CDH23: variants seen among roughly 807,000 people sequenced by gnomAD.
The protein encoded by CDH23 is cadherin related 23.
Under a neutral mutation model 317.1 loss-of-function variants are expected in CDH23, and 189 were observed. The observed-to-expected ratio is 0.60, with a 90% CI of 0.53 to 0.67. The LOEUF is 0.67. CDH23 is among the 30% of genes least tolerant of loss of function. The pLI, the probability that CDH23 is intolerant of heterozygous loss-of-function variation, is 0.00. For synonymous variants in CDH23, 1,839 were observed against 1,876.8 expected (o/e 0.98, Z 0.52); for missense variants, 4,401 against 4,592.4 (o/e 0.96, Z 1.20).
At chr10:71,453,634 C>T (rs1447513767) in intron 3 of CDH23, among the ~76,000 whole-genome samples, 1 of 152,228 alleles carries the variant, frequency 6.6e-6, no homozygotes, top group Non-Finnish European at 1.5e-5. Context: ...TCCCAATGTC[C>T]CTTTAAAGAG....
At chr10:71,498,859 G>T (rs1414786576) in intron 3 of CDH23, among the ~76,000 whole-genome samples, 3 of 152,140 alleles carry the variant, frequency 2.0e-5, no homozygotes, top group Non-Finnish European at 4.4e-5. Flanking sequence ...TGAAGTATTG[G>T]TATTCAATGT....
At chr10:71,612,334 G>A (rs1860953376) in intron 9 of CDH23, among the ~76,000 whole-genome samples, 1 of 151,974 alleles carries the variant, frequency 6.6e-6, no homozygotes, top group Non-Finnish European at 1.5e-5. Flanking sequence ...GGTTGCCTAG[G>A]TCGGGGCATG....
At chr10:71,559,396 A>G (rs1006331577) in intron 6 of CDH23, among the ~76,000 whole-genome samples, 1 of 152,232 alleles carries the variant, frequency 6.6e-6, no homozygotes, top group African/African-American at 2.4e-5. Context: ...AATGCCTTCT[A>G]TGCACAAGTG....
chr10:71,419,091 A>C (rs1392194481), intron 1 of CDH23, among the ~76,000 whole-genome samples: 3 of 152,298 alleles, frequency 2.0e-5, no homozygotes, highest in Non-Finnish European at 1.5e-5. Context: ...CTTTGAGGGG[A>C]CTGAGGGTTA....
At chr10:71,665,170 G>A (rs931318839) in intron 14 of CDH23, among the ~76,000 whole-genome samples, 1 of 152,174 alleles carries the variant, frequency 6.6e-6, no homozygotes, top group African/African-American at 2.4e-5. Flanking sequence ...GTGGTGGGGG[G>A]AAGCCCAGTC....
intron 6 of CDH23, among the ~76,000 whole-genome samples, chr10:71,530,015 GCACACATA>G (rs1206545989): frequency 1.1e-3 from 136 of 121,756 alleles, no homozygotes; most frequent in South Asian, 4.6e-3. Context: ...TCAGGCATTT[GCACACATA>G]CACACATACA....
rs567639230 is a variant in CDH23 at position 71,529,777 on chromosome 10, A to G, written c.429+18565A>G. Among the ~76,000 whole-genome samples the G allele has an allele frequency of 4.6e-5, 7 of 151,986 alleles. No homozygotes were observed. The South Asian group carries it at 6.2e-4, about 14-fold the overall frequency. On this transcript the variant is annotated intron_variant, in intron 6 of 69. Coordinates refer to ENST00000224721, the MANE Select transcript of CDH23 (RefSeq NM_022124.6). Reference sequence around the variant, plus strand: ...GGTGGCTCCCGGCCACCTGAGCCCTACAAGCCCAAGAAACAGGCCCTTTCC... The same window carrying G: ...GGTGGCTCCCGGCCACCTGAGCCCTGCAAGCCCAAGAAACAGGCCCTTTCC...
chr10:71,405,629 G>A (rs1848062728), intron 1 of CDH23, among the ~76,000 whole-genome samples: 1 of 152,044 alleles, frequency 6.6e-6, no homozygotes, highest in Non-Finnish European at 1.5e-5. Flanking sequence ...GTAGAGATGG[G>A]ATTTCACCAT....
At chr10:71,602,488 A>G (rs1860286997) in intron 9 of CDH23, among the ~76,000 whole-genome samples, 1 of 152,170 alleles carries the variant, frequency 6.6e-6, no homozygotes, top group South Asian at 2.1e-4. Flanking sequence ...TGAGGCCCAC[A>G]CTGCTTCCAC....
chr10:71,407,895 G>GA (rs1034099486), intron 1 of CDH23, among the ~76,000 whole-genome samples: 28 of 152,258 alleles, frequency 1.8e-4, no homozygotes, highest in Admixed American at 5.9e-4. Flanking sequence ...TAAAATAGGG[G>GA]AAAAATCCCC....
Position 71,655,557 on chromosome 10 carries a change from T to C in CDH23, c.1449+8940T>C, listed in dbSNP as rs531242334. On this transcript the variant is annotated intron_variant, in intron 14 of 69. Coordinates refer to ENST00000224721, the MANE Select transcript of CDH23 (RefSeq NM_022124.6). ...TTCTCTGGGGCCCCAGCATGCTGTGTGCCTTGCTGTCTGTGGCTGTTCCCA... is the reference window on the plus strand; with the variant it reads ...TTCTCTGGGGCCCCAGCATGCTGTGCGCCTTGCTGTCTGTGGCTGTTCCCA... Among the ~76,000 whole-genome samples, 5 of 152,242 alleles carry C rather than the reference T, an allele frequency of 3.3e-5. No individual in the cohort carries two copies. The East Asian group carries it at 7.7e-4, about 24-fold the overall frequency.
At chr10:71,623,577 G>C (rs1861568482) in intron 11 of CDH23, among the ~76,000 whole-genome samples, 1 of 152,220 alleles carries the variant, frequency 6.6e-6, no homozygotes, top group African/African-American at 2.4e-5. Context: ...GTGTTGAAAT[G>C]TGCAGGGTGG....
chr10:71,727,211 G>A (rs985371246), intron 30 of CDH23, among the ~76,000 whole-genome samples: 1 of 152,198 alleles, frequency 6.6e-6, no homozygotes, highest in South Asian at 2.1e-4. Context: ...GGAATTAGCC[G>A]ACTTGTTCAG....
At chr10:71,743,786 A>G (rs1301688798) in intron 38 of CDH23, among the ~76,000 whole-genome samples, 1 of 152,238 alleles carries the variant, frequency 6.6e-6, no homozygotes, top group Non-Finnish European at 1.5e-5. Context: ...GAAACTGACT[A>G]TGGAGTCATA....
chr10:71,755,543 G>A (rs1054190723), intron 38 of CDH23: 2 of 1,372,258 alleles, frequency 1.5e-6, no homozygotes, highest in Non-Finnish European at 1.0e-6. Flanking sequence ...GGCTCAGAGA[G>A]GGAAGGCCAG....
At chr10:71,773,737 C>A (rs1840747928) in intron 38 of CDH23, among the ~76,000 whole-genome samples, 1 of 152,164 alleles carries the variant, frequency 6.6e-6, no homozygotes, top group Admixed American at 6.5e-5. Flanking sequence ...GTTCTACCGT[C>A]CCCCAGTCCT....
At chr10:71,584,279 G>A (rs1393605872) in intron 9 of CDH23, among the ~76,000 whole-genome samples, 2 of 150,842 alleles carry the variant, frequency 1.3e-5, no homozygotes, top group Admixed American at 6.6e-5. Context: ...GTTGAGTGGG[G>A]TGGGTGATGA....
chr10:71,562,107 C>A (rs981158444), intron 6 of CDH23, among the ~76,000 whole-genome samples: 5 of 152,078 alleles, frequency 3.3e-5, no homozygotes, highest in Admixed American at 1.3e-4. Flanking sequence ...CCCGTGCAGC[C>A]CCAACCCCAG....
Position 71,803,304 on chromosome 10 carries a change from G to A in CDH23, c.7756G>A (p.Gly2586Ser). 1 of 1,590,886 alleles carries A rather than the reference G, an allele frequency of 6.3e-7. No individual in the cohort carries two copies. The highest frequency in any genetic ancestry group is 8.6e-7 in the Non-Finnish European group (1 of 1,168,554). The change falls in exon 55 of 70, where the codon GGT becomes AGT. Residue 2586 changes from glycine to serine, a missense_variant. Gly to Ser is a moderately conservative substitution (Grantham distance 56, BLOSUM62 0). Coordinates refer to ENST00000224721, the MANE Select transcript of CDH23 (RefSeq NM_022124.6). ...KFSLTVVATDGGEPPLWGTTM... is the reference protein window; with the variant it reads ...KFSLTVVATDSGEPPLWGTTM... ...CAGTCTGACCGTGGTGGCCACAGAT[G>A]GTGGAGAGCCCCCACTCTGGGGCAC...
Sources: gnomAD v4.1 joint callset for allele counts (sites outside exome capture counted in the v4.1 genomes callset) on GRCh38, gnomAD v4.1.1 for gene constraint, MANE v1.5 for transcripts, NCBI Gene and HGNC (gene_info 2026-07-23, HGNC 2026-07-21) for gene names.